Variants in KCND2 observed in about 807,000 individuals in gnomAD.
KCND2 encodes A-type voltage-gated potassium channel KCND2.
KCND2 carries 16 observed loss-of-function variants against 54.4 expected under a neutral mutation model. The observed-to-expected ratio is 0.29, with a 90% CI of 0.20 to 0.45. The LOEUF (loss-of-function observed/expected upper bound fraction) is 0.45, where lower values mean the gene tolerates loss of function less well. Ranked by LOEUF, KCND2 falls within the 20% of genes least tolerant of loss-of-function variation. The pLI, the probability that KCND2 is intolerant of heterozygous loss-of-function variation, is 1.00. For missense variants in KCND2, 486 were observed against 824.2 expected (o/e 0.59, Z 5.02); for synonymous variants, 317 against 310.7 (o/e 1.02, Z -0.21).
intron 1 of KCND2, among the ~76,000 whole-genome samples, chr7:120,413,064 TA>T (rs1801473937): frequency 1.3e-5 from 2 of 152,202 alleles, no homozygotes; most frequent in Admixed American, 6.6e-5. Flanking sequence ...TTATATGTGT[TA>T]AGTAGATATT....
chr7:120,645,481 T>C (rs920159333), intron 1 of KCND2, among the ~76,000 whole-genome samples: 1 of 152,292 alleles, frequency 6.6e-6, no homozygotes, highest in East Asian at 1.9e-4. Context: ...ACATGACATG[T>C]GCCATACTAA....
At chr7:120,351,771 ATTTTCTTTTCTTTTCTTTTTCTTTT>A (rs1403995127) in intron 1 of KCND2, among the ~76,000 whole-genome samples, 1 of 150,380 alleles carries the variant, frequency 6.6e-6, no homozygotes, top group Non-Finnish European at 1.5e-5. Context: ...ATTCTCTGCT[ATTTTCTTTTCTTTTCTTTTTCTTTT>A]TTTTCTTTTC....
At chr7:120,708,918 T>C (rs1792503278) in intron 1 of KCND2, among the ~76,000 whole-genome samples, 1 of 152,166 alleles carries the variant, frequency 6.6e-6, no homozygotes, top group African/African-American at 2.4e-5. Flanking sequence ...CAGTAGGCTC[T>C]ATATACACAG....
At chr7:120,417,732 A>G (rs979807744) in intron 1 of KCND2, among the ~76,000 whole-genome samples, 1 of 152,212 alleles carries the variant, frequency 6.6e-6, no homozygotes, top group African/African-American at 2.4e-5. Context: ...TCAGCTAAGA[A>G]TACATCATTA....
chr7:120,519,688 A>G (rs983527707), intron 1 of KCND2, among the ~76,000 whole-genome samples: 2 of 152,132 alleles, frequency 1.3e-5, no homozygotes, highest in Non-Finnish European at 2.9e-5. Flanking sequence ...CTAATTATAT[A>G]TATTTCCCCA....
intron 1 of KCND2, among the ~76,000 whole-genome samples, chr7:120,427,003 C>A (rs1200782513): frequency 6.6e-6 from 1 of 152,144 alleles, no homozygotes; most frequent in East Asian, 1.9e-4. Context: ...GAAATGTCTT[C>A]ATTGTCAAAT....
chr7:120,291,841 C>T (rs1376611830), intron 1 of KCND2, among the ~76,000 whole-genome samples: 1 of 151,778 alleles, frequency 6.6e-6, no homozygotes. Flanking sequence ...TAAAAGTCAA[C>T]CATCAATTTT....
intron 1 of KCND2, among the ~76,000 whole-genome samples, chr7:120,462,902 A>G (rs1377403425): frequency 1.3e-5 from 2 of 152,040 alleles, no homozygotes; most frequent in Non-Finnish European, 2.9e-5. Context: ...ATAACAGAAT[A>G]CTAATAATCA....
intron 1 of KCND2, among the ~76,000 whole-genome samples, chr7:120,729,867 C>T (rs1792783381): frequency 6.6e-6 from 1 of 150,566 alleles, no homozygotes; most frequent in Admixed American, 6.6e-5. Context: ...TGACACGAAG[C>T]TTATGTATCT....
intron 1 of KCND2, among the ~76,000 whole-genome samples, chr7:120,520,591 G>C (rs1791676347): frequency 6.6e-6 from 1 of 152,082 alleles, no homozygotes; most frequent in Non-Finnish European, 1.5e-5. Flanking sequence ...GGACGCTCCT[G>C]AAGAAGAATA....
At chr7:120,738,789 C>T (rs557028582) in intron 2 of KCND2, among the ~76,000 whole-genome samples, 28 of 152,118 alleles carry the variant, frequency 1.8e-4, no homozygotes, top group African/African-American at 6.3e-4. Flanking sequence ...TACTGAGTGG[C>T]TCAGAAGTAA....
chr7:120,692,943 C>T lies in KCND2; in HGVS notation c.1116-39960C>T, dbSNP rs942102899. Among the ~76,000 whole-genome samples the T allele has an allele frequency of 7.2e-4, 110 of 151,898 alleles. 2 individuals carry two copies. Among genetic ancestry groups the T allele is most frequent in the African/African-American group, 2.4e-3 (101 of 41,448 alleles). On this transcript the variant is annotated intron_variant, in intron 1 of 5. Coordinates refer to ENST00000331113, the MANE Select transcript of KCND2 (RefSeq NM_012281.3). ...TGAACTCCAAGGTACATTTTCCCCG[C>T]AAAGGAAAAAGGAATTATTATTCAT... is the stretch of plus-strand genomic sequence containing the variant.
At chr7:120,568,476 A>G (rs757072265) in intron 1 of KCND2, among the ~76,000 whole-genome samples, 3 of 152,130 alleles carry the variant, frequency 2.0e-5, no homozygotes, top group Non-Finnish European at 4.4e-5. Context: ...TTCAAAGTAC[A>G]TTTGTATCTT....
chr7:120,553,091 C>T (rs1390114780), intron 1 of KCND2, among the ~76,000 whole-genome samples: 1 of 152,158 alleles, frequency 6.6e-6, no homozygotes, highest in Non-Finnish European at 1.5e-5. Flanking sequence ...GTATATAATA[C>T]ATTATCATTA....
At chr7:120,335,764 C>A (rs1343815297) in intron 1 of KCND2, among the ~76,000 whole-genome samples, 1 of 152,062 alleles carries the variant, frequency 6.6e-6, no homozygotes, top group African/African-American at 2.4e-5. Context: ...GGATTACAGG[C>A]GTGAGCCACC....
chr7:120,278,925 C>T (rs1014891229), intron 1 of KCND2, among the ~76,000 whole-genome samples: 3 of 151,476 alleles, frequency 2.0e-5, no homozygotes, highest in Non-Finnish European at 4.4e-5. Context: ...CATTTCATCC[C>T]TTCTTTCTGA....
intron 1 of KCND2, among the ~76,000 whole-genome samples, chr7:120,708,780 T>C (rs139836228): frequency 6.6e-6 from 1 of 152,220 alleles, no homozygotes; most frequent in Non-Finnish European, 1.5e-5. Flanking sequence ...TAAGACATGC[T>C]GGTCTTTTTT....
chr7:120,425,949 T>A (rs558959802), intron 1 of KCND2, among the ~76,000 whole-genome samples: 6 of 85,644 alleles, frequency 7.0e-5, no homozygotes, highest in African/African-American at 1.7e-4. Flanking sequence ...TTGACTCTAT[T>A]TTTTTTTTTT....
At chr7:120,437,207 T>TC in intron 1 of KCND2, among the ~76,000 whole-genome samples, 1 of 149,944 alleles carries the variant, frequency 6.7e-6, no homozygotes, top group Admixed American at 6.7e-5. Context: ...TATACAACTT[T>TC]TTTTTTTTTT....
Sources: allele counts gnomAD v4.1 joint callset (sites outside exome capture counted in the v4.1 genomes callset), GRCh38; gene constraint gnomAD v4.1.1; transcripts MANE v1.5; gene names NCBI Gene and HGNC (gene_info 2026-07-23, HGNC 2026-07-21).